CCSER1: variants seen among roughly 807,000 people sequenced by gnomAD.
The protein encoded by CCSER1 is coiled-coil serine rich protein 1, also known as serine-rich coiled-coil domain-containing protein 1.
CCSER1 carries 41 observed loss-of-function variants against 82.0 expected under a neutral mutation model. The ratio of observed to expected loss-of-function variants is 0.50; its 90% CI spans 0.39 to 0.65. The LOEUF is 0.65. Ranked by LOEUF, CCSER1 falls within the 30% of genes least tolerant of loss-of-function variation. The pLI is 0.00. For missense variants in CCSER1, 1,119 were observed against 1,064.2 expected (o/e 1.05, Z -0.72); for synonymous variants, 414 against 383.9 (o/e 1.08, Z -0.92).
At chr4:90,533,084 GTTTTTTTTTT>G (rs59215370) in intron 5 of CCSER1, among the ~76,000 whole-genome samples, 1 of 88,994 alleles carries the variant, frequency 1.1e-5, no homozygotes, top group Non-Finnish European at 2.0e-5. Flanking sequence ...ATTTCTGTGG[GTTTTTTTTTT>G]TTTTTTTTTT....
intron 3 of CCSER1, among the ~76,000 whole-genome samples, chr4:90,334,260 G>A (rs1739941010): frequency 6.6e-6 from 1 of 152,112 alleles, no homozygotes; most frequent in African/African-American, 2.4e-5. Flanking sequence ...GCCAGGGAGA[G>A]TCACTATTAT....
intron 1 of CCSER1, among the ~76,000 whole-genome samples, chr4:90,262,610 G>A (rs1298482626): frequency 1.3e-5 from 2 of 152,232 alleles, no homozygotes; most frequent in Non-Finnish European, 2.9e-5. Flanking sequence ...GCTAAAGCCA[G>A]TGGGTAGATG....
At chr4:90,906,564 A>G (rs902112228) in intron 8 of CCSER1, among the ~76,000 whole-genome samples, 8 of 152,152 alleles carry the variant, frequency 5.3e-5, no homozygotes, top group African/African-American at 1.9e-4. Context: ...AATCAATACC[A>G]TAAAATAAAA....
At chr4:90,281,984 A>G (rs1728945092) in intron 1 of CCSER1, among the ~76,000 whole-genome samples, 1 of 152,032 alleles carries the variant, frequency 6.6e-6, no homozygotes. Flanking sequence ...TATATTTTCT[A>G]AACTGAATTT....
At chr4:91,224,103 G>C (rs907492044) in intron 10 of CCSER1, among the ~76,000 whole-genome samples, 3 of 149,266 alleles carry the variant, frequency 2.0e-5, no homozygotes, top group Non-Finnish European at 4.4e-5. Context: ...AGCTGTTCTT[G>C]AAAATATTAA....
chr4:91,272,213 C>G (rs867787768), intron 10 of CCSER1, among the ~76,000 whole-genome samples: 10 of 152,136 alleles, frequency 6.6e-5, no homozygotes, highest in Non-Finnish European at 1.3e-4. Flanking sequence ...GTTTACATTC[C>G]CACCAGCAGT....
chr4:90,636,690 C>G (rs1217290807), intron 6 of CCSER1, among the ~76,000 whole-genome samples: 1 of 152,046 alleles, frequency 6.6e-6, no homozygotes, highest in Non-Finnish European at 1.5e-5. Flanking sequence ...CCTCAGTTTA[C>G]TGGTAGTACA....
At chr4:91,590,209 A>T (rs1222063347) in intron 10 of CCSER1, among the ~76,000 whole-genome samples, 1 of 152,044 alleles carries the variant, frequency 6.6e-6, no homozygotes, top group African/African-American at 2.4e-5. Context: ...ACCCTAAAGA[A>T]TTTAGAAGCG....
chr4:90,769,099 G>C (rs17017539), intron 7 of CCSER1, among the ~76,000 whole-genome samples: 7,635 of 152,230 alleles, frequency 0.05, 418 homozygotes, highest in African/African-American at 0.14. Context: ...AAGAGATTAA[G>C]AGCATACCCT....
At chr4:91,570,493 T>C (rs1477088469) in intron 10 of CCSER1, among the ~76,000 whole-genome samples, 1 of 152,142 alleles carries the variant, frequency 6.6e-6, no homozygotes, top group Non-Finnish European at 1.5e-5. Context: ...TAGGTGGAGG[T>C]TCCCAAACCT....
intron 10 of CCSER1, among the ~76,000 whole-genome samples, chr4:91,119,143 G>A (rs1440181528): frequency 6.6e-6 from 1 of 152,162 alleles, no homozygotes; most frequent in Non-Finnish European, 1.5e-5. Context: ...ATTCAGAGAT[G>A]CATATGCTTA....
intron 1 of CCSER1, among the ~76,000 whole-genome samples, chr4:90,263,230 A>G (rs1724648149): frequency 6.6e-6 from 1 of 152,174 alleles, no homozygotes; most frequent in Non-Finnish European, 1.5e-5. Context: ...TTCCCCTAGT[A>G]GTAGGAGTTC....
intron 10 of CCSER1, among the ~76,000 whole-genome samples, chr4:91,466,082 A>C (rs1019158347): frequency 2.6e-5 from 4 of 152,218 alleles, no homozygotes; most frequent in African/African-American, 9.6e-5. Context: ...ATCCCTGATG[A>C]ACATTGATGC....
chr4:90,585,679 G>A (rs1432921363), intron 5 of CCSER1, among the ~76,000 whole-genome samples: 1 of 151,984 alleles, frequency 6.6e-6, no homozygotes, highest in Non-Finnish European at 1.5e-5. Context: ...AATGCTGGCT[G>A]ATGAAGCATA....
intron 9 of CCSER1, among the ~76,000 whole-genome samples, chr4:90,969,404 A>G (rs1734873508): frequency 6.6e-6 from 1 of 152,020 alleles, no homozygotes; most frequent in Non-Finnish European, 1.5e-5. Flanking sequence ...GAAAATAGCA[A>G]GACAAAAGCC....
intron 9 of CCSER1, among the ~76,000 whole-genome samples, chr4:91,027,629 G>A (rs114667265): frequency 2.3e-3 from 346 of 151,698 alleles, no homozygotes; most frequent in African/African-American, 7.0e-3. Context: ...ATAAGCTTCG[G>A]TAGCAATGTT....
intron 4 of CCSER1, among the ~76,000 whole-genome samples, chr4:90,448,503 T>C (rs2153576942): frequency 7.1e-6 from 1 of 141,364 alleles, no homozygotes; most frequent in African/African-American, 2.5e-5. Flanking sequence ...TCTTCTATTG[T>C]TTTCTACTTC....
chr4:91,537,895 T>A (rs1343596124), intron 10 of CCSER1, among the ~76,000 whole-genome samples: 1 of 151,938 alleles, frequency 6.6e-6, no homozygotes, highest in African/African-American at 2.4e-5. Context: ...TCTTTCCTCA[T>A]AAAATAAAAA....
chr4:90,245,067 A>G (rs1052754290), intron 1 of CCSER1, among the ~76,000 whole-genome samples: 2 of 152,192 alleles, frequency 1.3e-5, no homozygotes, highest in African/African-American at 4.8e-5. Context: ...AATGAATAAA[A>G]AAGTAACTGG....
Sources: allele counts gnomAD v4.1 joint callset (sites outside exome capture counted in the v4.1 genomes callset), GRCh38; gene constraint gnomAD v4.1.1; transcripts MANE v1.5; gene names NCBI Gene and HGNC (gene_info 2026-07-23, HGNC 2026-07-21).